The following POU2F1 variants were observed in gnomAD, a reference collection of about 807,000 sequenced individuals.
POU2F1 encodes POU class 2 homeobox 1.
In POU2F1, 16 loss-of-function variants were observed where a neutral mutation model predicts 84.9. The observed-to-expected ratio is 0.19, with a 90% confidence interval of 0.13 to 0.29. The LOEUF is 0.29. Ranked by LOEUF, POU2F1 falls within the 10% of genes least tolerant of loss-of-function variation. The probability of loss-of-function intolerance (pLI) is 1.00; values close to 1 mark genes in which losing one functional copy is unlikely to be tolerated. For missense variants in POU2F1, 738 were observed against 942.6 expected, an observed-to-expected ratio of 0.78 and a Z score of 2.84; for synonymous variants, 368 against 368.3, an observed-to-expected ratio of 1.00 and a Z score of 0.01.
chr1:167,344,852 A>G (rs1658087211), intron 2 of POU2F1, among the ~76,000 whole-genome samples: 1 of 152,142 alleles, frequency 6.6e-6, no homozygotes, highest in Admixed American at 6.6e-5. Flanking sequence ...GTAGGAGGGG[A>G]GTGGCAAAGA....
intron 1 of POU2F1, among the ~76,000 whole-genome samples, chr1:167,329,882 T>C (rs1470365514): frequency 6.6e-6 from 1 of 152,188 alleles, no homozygotes; most frequent in East Asian, 1.9e-4. Flanking sequence ...TAGTCCTCTT[T>C]TTAATTTTTT....
At chr1:167,391,879 A>G (rs1648438704) in intron 9 of POU2F1, among the ~76,000 whole-genome samples, 1 of 151,990 alleles carries the variant, frequency 6.6e-6, no homozygotes, top group African/African-American at 2.4e-5. Flanking sequence ...TTTCTTTGGG[A>G]ATTCATTTTT....
chr1:167,415,565 A>G lies in POU2F1; in HGVS notation c.2056A>G (p.Asn686Asp). 1 of 1,614,130 alleles carries G rather than the reference A, an allele frequency of 6.2e-7. No homozygotes were observed. Residue 686 changes from asparagine to aspartate, a missense_variant, in exon 16 of 16, where the codon AAT becomes GAT. Physicochemically the swap from Asn to Asp is conservative, Grantham distance 23. This residue lies in a region of POU2F1 where 319 missense variants were observed against 386.0 expected (regional missense o/e 0.83). Transcript: ENST00000367866. ...LDATGNLVFA[N>D]AGGAPNIVTA... ...TGCAACTGGGAACCTGGTATTTGCC[A>G]ATGCGGGAGGAGCCCCCAACATCGT...
intron 2 of POU2F1, among the ~76,000 whole-genome samples, chr1:167,359,178 C>G (rs1659180697): frequency 7.9e-6 from 1 of 126,446 alleles, no homozygotes. Context: ...CTGAAACACA[C>G]TAGACTTTTT....
intron 9 of POU2F1, among the ~76,000 whole-genome samples, chr1:167,395,464 AAAG>A (rs1252263937): frequency 6.6e-6 from 1 of 152,242 alleles, no homozygotes; most frequent in Non-Finnish European, 1.5e-5. Context: ...TTGATAGGGA[AAAG>A]AAGAAAAGAG....
At chr1:167,415,143 A>C (rs1285600704) in intron 15 of POU2F1, among the ~76,000 whole-genome samples, 2 of 152,250 alleles carry the variant, frequency 1.3e-5, no homozygotes, top group Admixed American at 6.5e-5. Context: ...TAAAATCAGC[A>C]GTCTTCATTA....
chr1:167,285,547 C>T (rs266821), intron 1 of POU2F1, among the ~76,000 whole-genome samples: 13,475 of 151,494 alleles, frequency 0.089, 1,416 homozygotes, highest in African/African-American at 0.26. Context: ...GAGCTGAGAT[C>T]GCGCCACTGC....
chr1:167,220,901 G>T lies in POU2F1; in HGVS notation c.4G>T (p.Ala2Ser). The T allele has an allele frequency of 6.5e-7, 1 of 1,535,186 alleles. No individual in the cohort carries two copies. Among genetic ancestry groups the T allele is most frequent in the Non-Finnish European group, 8.7e-7 (1 of 1,146,778 alleles). ...GATTTTGGTTAAAATATTCAAAATG[G>T]CGGACGGAGGAGCAGCGAGTCAAGA... MADGGAASQDES... is the reference protein window; with the variant it reads MSDGGAASQDES... Residue 2 changes from alanine (A) to serine (S), a missense_variant, in exon 1 of 16, where the codon GCG (alanine) becomes TCG (serine). Physicochemically the swap from Ala to Ser is moderately conservative, Grantham distance 99. Coordinates refer to ENST00000367866, the MANE Select transcript of POU2F1 (RefSeq NM_002697.4).
intron 13 of POU2F1, among the ~76,000 whole-genome samples, chr1:167,407,706 G>T (rs1359730811): frequency 6.6e-6 from 1 of 152,012 alleles, no homozygotes; most frequent in Non-Finnish European, 1.5e-5. Context: ...GCAGAAAGAG[G>T]AATAGAGGAA....
At chr1:167,356,033 G>A (rs1048779574) in intron 2 of POU2F1, among the ~76,000 whole-genome samples, 4 of 151,490 alleles carry the variant, frequency 2.6e-5, no homozygotes, top group East Asian at 2.0e-4. Context: ...CTGCAGCCTC[G>A]ACTTCCCTCA....
intron 3 of POU2F1, among the ~76,000 whole-genome samples, chr1:167,366,160 T>C (rs953427944): frequency 2.6e-5 from 4 of 152,092 alleles, no homozygotes; most frequent in African/African-American, 7.2e-5. Flanking sequence ...GGAATGGGAA[T>C]AAAAAAACAA....
intron 13 of POU2F1, among the ~76,000 whole-genome samples, chr1:167,407,269 A>G (rs1317244838): frequency 1.3e-5 from 2 of 152,044 alleles, no homozygotes; most frequent in Admixed American, 6.5e-5. Flanking sequence ...GGCTCAAGCA[A>G]TTCACCCACC....
intron 1 of POU2F1, among the ~76,000 whole-genome samples, chr1:167,277,808 T>C (rs1259563482): frequency 2.0e-5 from 3 of 152,198 alleles, no homozygotes; most frequent in Non-Finnish European, 2.9e-5. Flanking sequence ...AGTTAAAGAC[T>C]TAGGAGTAAT....
chr1:167,344,404 A>G (rs1309485208), intron 2 of POU2F1, among the ~76,000 whole-genome samples: 4 of 152,156 alleles, frequency 2.6e-5, no homozygotes, highest in Non-Finnish European at 2.9e-5. Context: ...AGTGGTTTGG[A>G]AAGAAATTGC....
At chr1:167,265,283 G>A (rs539124192) in intron 1 of POU2F1, among the ~76,000 whole-genome samples, 1 of 152,338 alleles carries the variant, frequency 6.6e-6, no homozygotes, top group African/African-American at 2.4e-5. Flanking sequence ...ATGCAGAGAA[G>A]CAGGGGATTC....
chr1:167,394,244 C>A (rs987164374), intron 9 of POU2F1, among the ~76,000 whole-genome samples: 13 of 152,086 alleles, frequency 8.5e-5, no homozygotes, highest in African/African-American at 3.1e-4. Flanking sequence ...TGGTCTCGAA[C>A]TCCTGACCTC....
intron 1 of POU2F1, among the ~76,000 whole-genome samples, chr1:167,235,647 C>T (rs942369344): frequency 2.6e-5 from 4 of 152,142 alleles, no homozygotes; most frequent in Non-Finnish European, 5.9e-5. Context: ...TGCATGTACA[C>T]ATAATTTTTA....
At position 167,364,528 on chromosome 1, in the gene POU2F1, CAAA is replaced by C. The variant is rs1157561323; in HGVS notation, c.128-924_128-922del. 7.1e-4 allele frequency among the ~76,000 whole-genome samples: 37 copies of C among 51,842 alleles called. 2 individuals carry two copies. Among genetic ancestry groups the C allele is most frequent in the African/African-American group, 1.8e-3 (28 of 15,504 alleles). The allele number at this position is 51,842 out of a possible 152,430, so 34.0% of individuals were successfully genotyped here. ...CTGGGCGACAGAGCGAGCTCCGTCT[CAAA>C]AAAAAAAAAAAAAAGCTCTTGCATA... On this transcript the variant is annotated intron_variant, in intron 2 of 15. Coordinates refer to ENST00000367866, the MANE Select transcript of POU2F1 (RefSeq NM_002697.4).
chr1:167,272,566 T>C (rs1652452215), intron 1 of POU2F1, among the ~76,000 whole-genome samples: 2 of 151,924 alleles, frequency 1.3e-5, no homozygotes, highest in Admixed American at 6.5e-5. Context: ...TGGCAGAAAC[T>C]GAAGGGGAAG....
Sources: gnomAD v4.1 joint callset for allele counts (sites outside exome capture counted in the v4.1 genomes callset) on GRCh38, gnomAD v4.1.1 for gene constraint, gnomAD v4.1.1 regional missense constraint, MANE v1.5 for transcripts, NCBI Gene and HGNC (gene_info 2026-07-23, HGNC 2026-07-21) for gene names.